DNA2: variants seen among roughly 807,000 people sequenced by gnomAD.
DNA2 encodes DNA replication helicase/nuclease 2, also known as DNA replication ATP-dependent helicase/nuclease DNA2.
DNA2 carries 101 observed loss-of-function variants against 119.1 expected under a neutral mutation model. The ratio of observed to expected loss-of-function variants is 0.85; its 90% CI spans 0.72 to 1.00. The LOEUF is 1.00. Ranked by LOEUF, DNA2 falls within the 50% of genes least tolerant of loss-of-function variation. The pLI is 0.00. For synonymous variants in DNA2, 366 were observed against 424.4 expected (o/e 0.86, Z 1.69); for missense variants, 1,121 against 1,255.5 (o/e 0.89, Z 1.62).
chr10:68,471,913 G>A lies in DNA2; in HGVS notation c.-49C>T, dbSNP rs571796580. 1.2e-5 allele frequency: 19 copies of A among 1,613,852 alleles called. No homozygotes were observed. Among genetic ancestry groups the A allele is most frequent in the African/African-American group, 4.0e-5 (3 of 75,062 alleles). Reference sequence around the variant, plus strand: ...GTAGACAGAAAAGACAGCGGAACCGGGGGTAACACAGAAAGCTTAGAAAAG... The same window carrying A: ...GTAGACAGAAAAGACAGCGGAACCGAGGGTAACACAGAAAGCTTAGAAAAG... On this transcript the variant is annotated 5_prime_UTR_variant, in exon 1 of 21. Transcript: ENST00000358410.
At chr10:68,472,398 AAACTGTCGGATAGG>A (rs1319355498), upstream of DNA2, among the ~76,000 whole-genome samples, 1 of 152,168 alleles carries the variant, frequency 6.6e-6, no homozygotes, top group Non-Finnish European at 1.5e-5. Context: ...GAGAAAATAG[AAACTGTCGGATAGG>A]AACTCCTTGA....
At chr10:68,444,567 A>G (rs1246469747) in intron 8 of DNA2, among the ~76,000 whole-genome samples, 2 of 151,794 alleles carry the variant, frequency 1.3e-5, no homozygotes, top group African/African-American at 4.8e-5. Context: ...TCTACTAAAA[A>G]TACAAAATTA....
intron 20 of DNA2, 91 bp from the exon 21 acceptor site, chr10:68,415,198 A>T: frequency 2.7e-6 from 2 of 733,970 alleles, no homozygotes; most frequent in East Asian, 2.8e-5. Context: ...TTTGACTTAC[A>T]GGACCACAAA....
At chr10:68,447,801 G>C (rs952430743) in intron 6 of DNA2, among the ~76,000 whole-genome samples, 3 of 151,750 alleles carry the variant, frequency 2.0e-5, no homozygotes, top group African/African-American at 7.3e-5. Flanking sequence ...GGCTAATAAG[G>C]TGAAACCCCG....
chr10:68,451,064 CACT>C (rs1295402005), intron 5 of DNA2, among the ~76,000 whole-genome samples: 1 of 144,946 alleles, frequency 6.9e-6, no homozygotes, highest in Non-Finnish European at 1.5e-5. Context: ...CGTGCCACTG[CACT>C]ACAACCTGAG....
chr10:68,457,970 C>T (rs1042642210), intron 5 of DNA2, among the ~76,000 whole-genome samples: 3 of 151,828 alleles, frequency 2.0e-5, no homozygotes, highest in Non-Finnish European at 4.4e-5. Flanking sequence ...GTCAGGAGTT[C>T]GAGACCAGCC....
intron 3 of DNA2, 55 bp downstream of exon 3, chr10:68,468,068 G>T: frequency 7.9e-7 from 1 of 1,273,416 alleles, no homozygotes; most frequent in Admixed American, 2.8e-5. Flanking sequence ...AAATGTAAAA[G>T]TGCTCTGTAA....
At chr10:68,444,671 C>T (rs2133401732) in intron 8 of DNA2, among the ~76,000 whole-genome samples, 1 of 148,866 alleles carries the variant, frequency 6.7e-6, no homozygotes, top group East Asian at 2.0e-4. Flanking sequence ...TTGTGGTGAG[C>T]CGAGATTGCA....
chr10:68,425,697 G>A lies in DNA2; in HGVS notation c.2209-2807C>T, dbSNP rs118102346. Among the ~76,000 whole-genome samples, 358 of 150,776 alleles carry A rather than the reference G, an allele frequency of 2.4e-3. 16 individuals carry two copies. In the East Asian group the frequency reaches 0.058, roughly 25 times the overall value. On this transcript the variant is annotated intron_variant, in intron 14 of 20. Coordinates refer to ENST00000358410, the MANE Select transcript of DNA2 (RefSeq NM_001080449.3). ...ATTACAGGCGTGAGACACCGCGCCC[G>A]GCCATCTCTGGAACATTTCATTTCC...
intron 14 of DNA2, among the ~76,000 whole-genome samples, chr10:68,423,817 T>G (rs1422276017): frequency 6.6e-6 from 1 of 152,184 alleles, no homozygotes; most frequent in Admixed American, 6.5e-5. Context: ...CCTCCCACTT[T>G]GGTCAAAGAA....
At chr10:68,441,060 C>G (rs1376307022) in intron 9 of DNA2, among the ~76,000 whole-genome samples, 1 of 151,810 alleles carries the variant, frequency 6.6e-6, no homozygotes, top group African/African-American at 2.4e-5. Context: ...AGCCATGGCA[C>G]AGTGGCTCGC....
intron 3 of DNA2, among the ~76,000 whole-genome samples, chr10:68,466,796 G>A (rs568367765): frequency 6.5e-4 from 99 of 152,208 alleles, no homozygotes; most frequent in Admixed American, 1.2e-3. Flanking sequence ...AGCCAGGATG[G>A]TCTTGATCTC....
At chr10:68,450,350 A>C in intron 5 of DNA2, 103 bp from the exon 6 acceptor site, 1 of 893,160 alleles carries the variant, frequency 1.1e-6, no homozygotes, top group Non-Finnish European at 1.7e-6. Context: ...TGGGGAGGGG[A>C]AAGAGTCTAC....
Position 68,437,104 on chromosome 10 carries a change from ACT to A in DNA2, c.1551_1552del (p.Arg517SerfsTer15), listed in dbSNP as rs2051898870. ...TGACCTTTCTTCTCCACTTACAATA[ACT>A]CTGTCACCTGCCATTAGATTTGTGA... On this transcript the variant is annotated frameshift_variant, in exon 10 of 21. Transcript: ENST00000358410. LOFTEE classifies it high-confidence loss of function. The A allele has an allele frequency of 1.9e-6, 3 of 1,613,654 alleles. No individual in the cohort carries two copies. Among genetic ancestry groups the A allele is most frequent in the South Asian group, 1.1e-5 (1 of 91,070 alleles).
At chr10:68,464,993 C>CA (rs997564463) in intron 4 of DNA2, among the ~76,000 whole-genome samples, 80 of 143,456 alleles carry the variant, frequency 5.6e-4, no homozygotes, top group African/African-American at 1.3e-3. Context: ...ATCTCCCCTC[C>CA]AAAAAAAAAA....
At chr10:68,454,980 C>T (rs1202319748) in intron 5 of DNA2, among the ~76,000 whole-genome samples, 2 of 150,560 alleles carry the variant, frequency 1.3e-5, no homozygotes, top group African/African-American at 4.9e-5. Flanking sequence ...GCTCTGTCAC[C>T]CAGGCTAGAG....
intron 20 of DNA2, 139 bp downstream of exon 20, chr10:68,416,569 AG>A: frequency 1.3e-6 from 1 of 740,962 alleles, no homozygotes; most frequent in Non-Finnish European, 2.2e-6. Context: ...GCACTTTGGG[AG>A]GCCTACACAG....
chr10:68,459,123 G>T lies in DNA2; in HGVS notation c.700C>A (p.Pro234Thr). 1 of 1,599,980 alleles carries T rather than the reference G, an allele frequency of 6.3e-7. No homozygotes were observed. Among genetic ancestry groups the T allele is most frequent in the Non-Finnish European group, 8.5e-7 (1 of 1,172,686 alleles). Residue 234 changes from proline (P) to threonine (T), a missense_variant, in exon 5 of 21, where the codon CCT (proline) becomes ACT (threonine). By Grantham distance (38) the Pro-to-Thr change is conservative. Transcript: ENST00000358410. ...FMHKNTSTDF[P>T]QMQLSLPSDN... is the part of the protein sequence containing the mutation. ...TCTTACAGAGAGAGCTGCATCTGAG[G>T]GAAGTCAGTCGAAGTGTTTTTATGC...
chr10:68,424,423 G>T, intron 14 of DNA2: 1 of 495,544 alleles, frequency 2.0e-6, no homozygotes, highest in Non-Finnish European at 3.7e-6. Context: ...AGGATCACTT[G>T]AGCCAAGGAG....
Sources: allele counts gnomAD v4.1 joint callset (sites outside exome capture counted in the v4.1 genomes callset), GRCh38; gene constraint gnomAD v4.1.1; transcripts MANE v1.5; gene names NCBI Gene and HGNC (gene_info 2026-07-23, HGNC 2026-07-21).